The following TOP1 variants were observed in gnomAD, a reference collection of about 807,000 sequenced individuals.
TOP1 encodes DNA topoisomerase 1.
A neutral mutation model predicts 111.1 loss-of-function variants in TOP1; 10 were observed. That is an observed-to-expected ratio of 0.09 (90% CI 0.06 to 0.15). The LOEUF is 0.15. TOP1 is among the 10% of genes least tolerant of loss of function. TOP1 has a pLI of 1.00. For synonymous variants in TOP1, 271 were observed against 302.9 expected, an observed-to-expected ratio of 0.89 and a Z score of 1.10; for missense variants, 474 against 926.7, an observed-to-expected ratio of 0.51 and a Z score of 6.34.
chr20:41,042,251 T>A (rs1317274739), intron 2 of TOP1, among the ~76,000 whole-genome samples: 2 of 152,184 alleles, frequency 1.3e-5, no homozygotes, highest in African/African-American at 2.4e-5. Context: ...CAGTATTTTT[T>A]AATATATGTT....
chr20:41,077,369 T>G (rs1447122989), intron 4 of TOP1, among the ~76,000 whole-genome samples: 1 of 152,212 alleles, frequency 6.6e-6, no homozygotes, highest in Non-Finnish European at 1.5e-5. Flanking sequence ...AGGGAAACCT[T>G]TCTCAGTGAG....
At chr20:41,119,755 A>G (rs2034392265) in intron 18 of TOP1, among the ~76,000 whole-genome samples, 2 of 152,240 alleles carry the variant, frequency 1.3e-5, no homozygotes, top group Non-Finnish European at 2.9e-5. Context: ...ATACATCCAT[A>G]GACCTTTGAT....
chr20:41,029,476 G>A lies in TOP1; in HGVS notation c.58+21G>A. On this transcript the variant is annotated intron_variant, in intron 2 of 20. Coordinates refer to ENST00000361337, the MANE Select transcript of TOP1 (RefSeq NM_003286.4). The surrounding 1 kb of genome is among the most constrained non-coding windows in gnomAD (Gnocchi z 6.1). ...GAATGGTGAGTGTGCCCCCTGCGCC[G>A]ACTCCGGGGCCCCCCAGCCGCCGGC... The A allele has an allele frequency of 6.4e-7, 1 of 1,552,344 alleles. No homozygotes were observed.
rs1431489799 is a variant in TOP1 at position 41,121,522 on chromosome 20, T to C, written c.1951-174T>C. On this transcript the variant is annotated intron_variant, in intron 18 of 20. Coordinates refer to ENST00000361337, the MANE Select transcript of TOP1 (RefSeq NM_003286.4). This position sits in a 1 kb window ranked among gnomAD's most constrained non-coding sequence, Gnocchi z 4.2. ...GATCACTGAAGAACAAATAGTTGAA[T>C]TCACTAGTCCTTGTGCATCTTCTCC... Among the ~76,000 whole-genome samples, 1 of 152,208 alleles carries C rather than the reference T, an allele frequency of 6.6e-6. No homozygotes were observed. The highest frequency in any genetic ancestry group is 1.5e-5 in the Non-Finnish European group (1 of 68,034).
At position 41,082,912 on chromosome 20, in the gene TOP1, C is replaced by G. The variant is rs2033805743; in HGVS notation, c.508-1550C>G. ...TTGTTAAACCATTGGGAAAAAAGAA[C>G]AGTTGACTTCATTTGTTATTATTCT... On this transcript the variant is annotated intron_variant, in intron 7 of 20. Coordinates refer to ENST00000361337, the MANE Select transcript of TOP1 (RefSeq NM_003286.4). The surrounding 1 kb of genome is among the most constrained non-coding windows in gnomAD (Gnocchi z 4.1). Among the ~76,000 whole-genome samples, 1 of 151,750 alleles carries G rather than the reference C, an allele frequency of 6.6e-6. No homozygotes were observed. Among genetic ancestry groups the G allele is most frequent in the East Asian group, 1.9e-4 (1 of 5,172 alleles).
In TOP1 at chr20:41,098,834, TAA is replaced by T. The variant is rs11483526; in HGVS notation, c.975+514_975+515del. ...TTCTTCTACAGGCTGCCTGTTTTTGTAAAAAAAAAAAAAAAAAATTTATTGGA... is the reference window on the plus strand; with the variant it reads ...TTCTTCTACAGGCTGCCTGTTTTTGTAAAAAAAAAAAAAAAATTTATTGGA... On this transcript the variant is annotated intron_variant, in intron 11 of 20. Coordinates refer to ENST00000361337, the MANE Select transcript of TOP1 (RefSeq NM_003286.4). The surrounding 1 kb of genome is among the most constrained non-coding windows in gnomAD (Gnocchi z 5.7). The T allele has an allele frequency of 3.5e-4, 48 of 136,718 alleles. No homozygotes were observed. Among genetic ancestry groups the T allele is most frequent in the Non-Finnish European group, 4.3e-4 (27 of 62,484 alleles). The allele number at this position is 136,718 out of a possible 1,614,324, so 8.5% of individuals were successfully genotyped here. A position where few individuals can be genotyped will look rare whatever the true frequency, so the allele number is the denominator to read the frequency against.
chr20:41,077,520 A>G, intron 4 of TOP1, 62 bp from the exon 5 acceptor site: 3 of 1,370,546 alleles, frequency 2.2e-6, no homozygotes, highest in Non-Finnish European at 3.1e-6. Context: ...CATATTCTCA[A>G]AAAGAGGTTT....
chr20:41,056,618 T>A (rs1204764600), intron 2 of TOP1, among the ~76,000 whole-genome samples: 1 of 152,118 alleles, frequency 6.6e-6, no homozygotes, highest in Non-Finnish European at 1.5e-5. Flanking sequence ...GCAGCCAGTA[T>A]TACAGGTGCA....
rs979732847 is a variant in TOP1, at chr20:41,118,458, C to G, written c.1950+162C>G. Among the ~76,000 whole-genome samples the G allele has an allele frequency of 7.9e-5, 12 of 152,316 alleles. No individual in the cohort carries two copies. Among genetic ancestry groups the G allele is most frequent in the African/African-American group, 2.9e-4 (12 of 41,566 alleles). On this transcript the variant is annotated intron_variant, in intron 18 of 20. Coordinates refer to ENST00000361337, the MANE Select transcript of TOP1 (RefSeq NM_003286.4). This position sits in a 1 kb window ranked among gnomAD's most constrained non-coding sequence, Gnocchi z 4.6. Reference sequence around the variant, plus strand: ...AATATGATAGTAGTTAATCTCTGATCAAGATACTGAATATCAGAGTATCCA... The same window carrying G: ...AATATGATAGTAGTTAATCTCTGATGAAGATACTGAATATCAGAGTATCCA...
intron 2 of TOP1, among the ~76,000 whole-genome samples, chr20:41,054,924 T>G (rs1215642497): frequency 1.3e-5 from 2 of 152,224 alleles, no homozygotes; most frequent in Non-Finnish European, 2.9e-5. Context: ...GACACTTTCC[T>G]TTTGTCTGTC....
At chr20:41,036,494 A>G (rs1037205840) in intron 2 of TOP1, among the ~76,000 whole-genome samples, 1 of 152,248 alleles carries the variant, frequency 6.6e-6, no homozygotes, top group East Asian at 1.9e-4. Flanking sequence ...AGATAAGTAT[A>G]TGAAGGTGCC....
chr20:41,085,287 C>CTT (rs1404447268), intron 8 of TOP1, among the ~76,000 whole-genome samples: 16 of 152,056 alleles, frequency 1.1e-4, no homozygotes, highest in Non-Finnish European at 1.5e-5. Flanking sequence ...AATGATAAAT[C>CTT]TTTTTGTTTA....
intron 8 of TOP1, 32 bp downstream of exon 8, chr20:41,084,600 C>CT: frequency 8.0e-7 from 1 of 1,256,302 alleles, no homozygotes; most frequent in Non-Finnish European, 1.1e-6. Context: ...AAAATGCCAC[C>CT]TTTTTTATTG....
chr20:41,122,307 TG>T lies in TOP1; in HGVS notation c.2195+154del, dbSNP rs1357101701. On this transcript the variant is annotated intron_variant, in intron 20 of 20. Transcript: ENST00000361337. This position sits in a 1 kb window ranked among gnomAD's most constrained non-coding sequence, Gnocchi z 5.4. ...GGCTTCAGCTGTGTACAAGTTACTCTGGTTGCTGAACCTTGTCTGTAAATGC... is the reference window on the plus strand; with the variant it reads ...GGCTTCAGCTGTGTACAAGTTACTCTGTTGCTGAACCTTGTCTGTAAATGC... The T allele has an allele frequency of 6.3e-6, 5 of 796,312 alleles. No homozygotes were observed. Among genetic ancestry groups the T allele is most frequent in the Non-Finnish European group, 1.0e-5 (5 of 492,090 alleles). 49.3% of individuals were successfully genotyped at this position (796,312 alleles called of 1,614,324 possible). A position where few individuals can be genotyped will look rare whatever the true frequency, so the allele number is the denominator to read the frequency against.
chr20:41,060,070 T>C (rs983246519), intron 2 of TOP1, among the ~76,000 whole-genome samples: 2 of 152,266 alleles, frequency 1.3e-5, no homozygotes, highest in African/African-American at 4.8e-5. Context: ...TGCTAATGAA[T>C]TTTTGATGGA....
At chr20:41,064,931 G>A (rs1168989667) in intron 3 of TOP1, among the ~76,000 whole-genome samples, 1 of 152,018 alleles carries the variant, frequency 6.6e-6, no homozygotes, top group Non-Finnish European at 1.5e-5. Context: ...TTGAGACGGA[G>A]TCTTACTCTG....
In TOP1 at chr20:41,123,447, T is replaced by C. The variant is rs1336547982; in HGVS notation, c.*150T>C. 1.8e-6 allele frequency: 1 copy of C among 555,968 alleles called. No homozygotes were observed. The highest frequency in any genetic ancestry group is 3.0e-5 in the East Asian group (1 of 32,932). The allele number at this position is 555,968 out of a possible 1,614,324, so 34.4% of individuals were successfully genotyped here. A position where few individuals can be genotyped will look rare whatever the true frequency, so the allele number is the denominator to read the frequency against. The stretch of plus-strand genomic sequence containing the variant: ...TTGCGAAAAGATAAACCTGGAGATA[T>C]TATAAGGGAGAGCTGAGCCAGTTGT... On this transcript the variant is annotated 3_prime_UTR_variant, in exon 21 of 21. Coordinates refer to ENST00000361337, the MANE Select transcript of TOP1 (RefSeq NM_003286.4). The surrounding 1 kb of genome is among the most constrained non-coding windows in gnomAD (Gnocchi z 5.8).
At chr20:41,117,161 G>C (rs2034342946) in intron 17 of TOP1, among the ~76,000 whole-genome samples, 1 of 151,986 alleles carries the variant, frequency 6.6e-6, no homozygotes, top group African/African-American at 2.4e-5. Context: ...AGACCAGCCT[G>C]GGCAATGTAG....
At chr20:41,052,303 C>A (rs1269274015) in intron 2 of TOP1, among the ~76,000 whole-genome samples, 1 of 152,224 alleles carries the variant, frequency 6.6e-6, no homozygotes, top group Non-Finnish European at 1.5e-5. Flanking sequence ...GTGCCTCTAT[C>A]ACATTAGGGT....
Sources: gnomAD v4.1 joint callset for allele counts (sites outside exome capture counted in the v4.1 genomes callset) on GRCh38, gnomAD v4.1.1 for gene constraint, Gnocchi (gnomAD v3.1) non-coding constraint, MANE v1.5 for transcripts, NCBI Gene and HGNC (gene_info 2026-07-23, HGNC 2026-07-21) for gene names.